Variants in ATXN10 observed in about 807,000 individuals in gnomAD.
The protein encoded by ATXN10 is ataxin-10.
A neutral mutation model predicts 52.9 loss-of-function variants in ATXN10; 28 were observed. That is an observed-to-expected ratio of 0.53 (90% CI 0.39 to 0.73). ATXN10 has a LOEUF of 0.73. ATXN10 is among the 30% of genes least tolerant of loss of function. ATXN10 has a pLI of 0.00. For missense variants in ATXN10, 565 were observed against 577.0 expected, an observed-to-expected ratio of 0.98 and a Z score of 0.21; for synonymous variants, 226 against 221.5, an observed-to-expected ratio of 1.02 and a Z score of -0.18.
At position 45,705,538 on chromosome 22, in the gene ATXN10, A is replaced by G. The variant is rs753435348; in HGVS notation, c.647+2691A>G. 3.3e-5 allele frequency among the ~76,000 whole-genome samples: 5 copies of G among 151,988 alleles called. No homozygotes were observed. Among genetic ancestry groups the G allele is most frequent in the African/African-American group, 4.8e-5 (2 of 41,386 alleles). On this transcript the variant is annotated intron_variant, in intron 5 of 11. Transcript: ENST00000252934. This position sits in a 1 kb window ranked among gnomAD's most constrained non-coding sequence, Gnocchi z 5.2. Reference sequence around the variant, plus strand: ...AACCTCCGCCTCTTGGGTTCAAGCAATTCTCTGCCTCAGTCTCCTGAATAG... The same window carrying G: ...AACCTCCGCCTCTTGGGTTCAAGCAGTTCTCTGCCTCAGTCTCCTGAATAG...
In ATXN10 at chr22:45,843,211, T is replaced by C. The variant is rs1408660685; in HGVS notation, c.1425+33T>C. 6.8e-6 allele frequency: 11 copies of C among 1,609,086 alleles called. No homozygotes were observed. Among genetic ancestry groups the C allele is most frequent in the Non-Finnish European group, 8.5e-6 (10 of 1,175,874 alleles). On this transcript the variant is annotated intron_variant, in intron 11 of 11. Coordinates refer to ENST00000252934, the MANE Select transcript of ATXN10 (RefSeq NM_013236.4). This position sits in a 1 kb window ranked among gnomAD's most constrained non-coding sequence, Gnocchi z 4.5. ...CCCTCGAGGGAACTGTCCTTCCCTT[T>C]GGTTTGTAGAAAGCTGTTTCCACTT...
rs760058133 is a variant in ATXN10 at position 45,738,858 on chromosome 22, AT to A, written c.1003+21del. 1.9e-6 allele frequency: 3 copies of A among 1,586,370 alleles called. No homozygotes were observed. The highest frequency in any genetic ancestry group is 2.2e-5 in the East Asian group (1 of 44,762). ...GTGATTGGTGAGTGAAATATCACAC[AT>A]TGTATTTTTAGCTAAGAAATCTTTG... On this transcript the variant is annotated intron_variant, in intron 8 of 11. Coordinates refer to ENST00000252934, the MANE Select transcript of ATXN10 (RefSeq NM_013236.4).
Position 45,684,911 on chromosome 22 carries a change from T to G in ATXN10, c.117-4801T>G, listed in dbSNP as rs193025019. Among the ~76,000 whole-genome samples the G allele has an allele frequency of 5.4e-4, 82 of 152,372 alleles. 1 individual carries two copies. Among genetic ancestry groups the G allele is most frequent in the Non-Finnish European group, 8.1e-4 (55 of 68,034 alleles). On this transcript the variant is annotated intron_variant, in intron 1 of 11. Transcript: ENST00000252934. This position sits in a 1 kb window ranked among gnomAD's most constrained non-coding sequence, Gnocchi z 4.1. ...AAATCAGCAAGATTATGGTTTTAGA[T>G]AACAACCAGTGATTGTTGTTTTAAT...
In ATXN10 at chr22:45,789,276, C is replaced by T. The variant is rs533914910; in HGVS notation, c.1174-17683C>T. Among the ~76,000 whole-genome samples the T allele has an allele frequency of 2.6e-5, 4 of 152,196 alleles. No homozygotes were observed. The highest frequency in any genetic ancestry group is 5.9e-5 in the Non-Finnish European group (4 of 68,030). On this transcript the variant is annotated intron_variant, in intron 9 of 11. Transcript: ENST00000252934. This position sits in a 1 kb window ranked among gnomAD's most constrained non-coding sequence, Gnocchi z 4.0. The stretch of plus-strand genomic sequence containing the variant: ...TAGTTATTAATTTACTCACCTGCCT[C>T]CCCCTGGCTAAGTTTCATTCAGTAC...
intron 9 of ATXN10, among the ~76,000 whole-genome samples, chr22:45,747,879 G>C (rs984968701): frequency 6.6e-6 from 1 of 152,090 alleles, no homozygotes; most frequent in Admixed American, 6.5e-5. Flanking sequence ...CCAGGAGTTT[G>C]AGAGCAGCCT....
intron 1 of ATXN10, 96 bp downstream of exon 1, chr22:45,672,275 G>A: frequency 8.2e-7 from 1 of 1,214,798 alleles, no homozygotes; most frequent in Non-Finnish European, 1.0e-6. Flanking sequence ...CCCCCGCCTC[G>A]CTGGAGACGC....
chr22:45,810,234 G>C (rs1928237203), intron 10 of ATXN10, among the ~76,000 whole-genome samples: 2 of 152,162 alleles, frequency 1.3e-5, no homozygotes, highest in South Asian at 4.1e-4. Flanking sequence ...TTTTGAGTCT[G>C]TTTGTGGACT....
chr22:45,782,732 A>C (rs1927192861), intron 9 of ATXN10, among the ~76,000 whole-genome samples: 1 of 152,212 alleles, frequency 6.6e-6, no homozygotes, highest in Non-Finnish European at 1.5e-5. Context: ...GATACACGTA[A>C]GATTTGTGCA....
At chr22:45,831,797 T>TC (rs1436913717) in intron 10 of ATXN10, among the ~76,000 whole-genome samples, 2 of 152,122 alleles carry the variant, frequency 1.3e-5, no homozygotes, top group African/African-American at 4.8e-5. Context: ...TCATTTTGTC[T>TC]CCCCCTCATT....
At chr22:45,721,726 A>C (rs934283134) in intron 6 of ATXN10, among the ~76,000 whole-genome samples, 6 of 152,166 alleles carry the variant, frequency 3.9e-5, no homozygotes, top group African/African-American at 1.4e-4. Flanking sequence ...CTTGTCATTT[A>C]ATCCTCACAG....
chr22:45,808,655 A>G (rs1928182112), intron 10 of ATXN10, among the ~76,000 whole-genome samples: 2 of 152,230 alleles, frequency 1.3e-5, no homozygotes, highest in South Asian at 4.1e-4. Flanking sequence ...ATGAAATAAA[A>G]CTGAGTCTCT....
chr22:45,799,404 ATGTAAT>A (rs1569069780), intron 9 of ATXN10, among the ~76,000 whole-genome samples: 1 of 152,150 alleles, frequency 6.6e-6, no homozygotes, highest in African/African-American at 2.4e-5. Context: ...GTCATTGCCA[ATGTAAT>A]TACTTAAGAC....
Position 45,823,086 on chromosome 22 carries a change from A to T in ATXN10, c.1237+16064A>T, listed in dbSNP as rs1278441557. 4.4e-6 allele frequency: 2 copies of T among 454,122 alleles called. No homozygotes were observed. Among genetic ancestry groups the T allele is most frequent in the South Asian group, 3.3e-5 (2 of 60,548 alleles). 28.1% of individuals were successfully genotyped at this position (454,122 alleles called of 1,614,324 possible). ...TAACTTAAATAGAGTAAACTGCAAA[A>T]TTTTTAAGTATACATCTTGACATAA... On this transcript the variant is annotated intron_variant, in intron 10 of 11. Coordinates refer to ENST00000252934, the MANE Select transcript of ATXN10 (RefSeq NM_013236.4). This position sits in a 1 kb window ranked among gnomAD's most constrained non-coding sequence, Gnocchi z 4.9.
At chr22:45,709,432 T>C (rs1924160569) in intron 5 of ATXN10, among the ~76,000 whole-genome samples, 1 of 152,184 alleles carries the variant, frequency 6.6e-6, no homozygotes, top group Non-Finnish European at 1.5e-5. Context: ...TCCAGGGTCA[T>C]TGGGTGAAGG....
chr22:45,793,344 G>A (rs939377465), intron 9 of ATXN10: 14 of 201,090 alleles, frequency 7.0e-5, no homozygotes, highest in South Asian at 3.6e-4. Context: ...TTGTCTTCAC[G>A]AAGCCTGGCA....
intron 3 of ATXN10, among the ~76,000 whole-genome samples, chr22:45,694,353 A>T (rs1254533447): frequency 4.6e-5 from 7 of 152,148 alleles, no homozygotes; most frequent in Non-Finnish European, 1.0e-4. Context: ...ATTATTTGAT[A>T]AAAAAATCTT....
intron 1 of ATXN10, among the ~76,000 whole-genome samples, chr22:45,682,013 C>T (rs889529967): frequency 6.6e-6 from 1 of 152,208 alleles, no homozygotes; most frequent in South Asian, 2.1e-4. Flanking sequence ...TAAGTTTGCA[C>T]TAAATTCCAT....
At position 45,693,007 on chromosome 22, in the gene ATXN10, C is replaced by T. The variant is rs781002957; in HGVS notation, c.320C>T (p.Thr107Met). ...VNQNSIRNLD[T>M]IGVAVDLILL... ...TTTAAAAAACCCAGGAACTTGGATA[C>T]GATTGGTGTTGCTGTTGATTTGATT... The change falls in exon 3 of 12, where the codon ACG becomes ATG. Residue 107 changes from threonine (T) to methionine (M), a missense_variant. Thr to Met is a moderately conservative substitution (Grantham distance 81). Coordinates refer to ENST00000252934, the MANE Select transcript of ATXN10 (RefSeq NM_013236.4). 4.6e-5 allele frequency: 74 copies of T among 1,613,768 alleles called. No homozygotes were observed. Among genetic ancestry groups the T allele is most frequent in the Middle Eastern group, 3.3e-4 (2 of 6,082 alleles).
rs769892252 is a variant in ATXN10, at chr22:45,688,036, C to T, written c.117-1676C>T. 6.6e-6 allele frequency among the ~76,000 whole-genome samples: 1 copy of T among 152,108 alleles called. No individual in the cohort carries two copies. Among genetic ancestry groups the T allele is most frequent in the Non-Finnish European group, 1.5e-5 (1 of 68,026 alleles). On this transcript the variant is annotated intron_variant, in intron 1 of 11. Coordinates refer to ENST00000252934, the MANE Select transcript of ATXN10 (RefSeq NM_013236.4). This position sits in a 1 kb window ranked among gnomAD's most constrained non-coding sequence, Gnocchi z 4.0. Reference sequence around the variant, plus strand: ...TGCACCACTGCAACTCCAGCCTGGGCGACAGAGCAAAACTCCGTCTCAAAA... The same window carrying T: ...TGCACCACTGCAACTCCAGCCTGGGTGACAGAGCAAAACTCCGTCTCAAAA...
Sources: allele counts gnomAD v4.1 joint callset (sites outside exome capture counted in the v4.1 genomes callset), GRCh38; gene constraint gnomAD v4.1.1; non-coding constraint Gnocchi (gnomAD v3.1); transcripts MANE v1.5; gene names NCBI Gene and HGNC (gene_info 2026-07-23, HGNC 2026-07-21).